Variants in ENPP3 observed in about 807,000 individuals in gnomAD.
ENPP3 encodes the protein ectonucleotide pyrophosphatase/phosphodiesterase family member 3.
ENPP3 carries 104 observed loss-of-function variants against 117.8 expected under a neutral mutation model. The observed-to-expected ratio is 0.88, with a 90% CI of 0.75 to 1.04. The LOEUF is 1.04. ENPP3 is among the 50% of genes least tolerant of loss of function. ENPP3 has a pLI of 0.00. For missense variants in ENPP3, 1,026 were observed against 1,051.9 expected (o/e 0.98, Z 0.34); for synonymous variants, 380 against 349.9 (o/e 1.09, Z -0.96).
intron 2 of ENPP3, among the ~76,000 whole-genome samples, chr6:131,647,876 T>C (rs57893994): frequency 6.6e-6 from 1 of 152,154 alleles, no homozygotes; most frequent in Non-Finnish European, 1.5e-5. Flanking sequence ...ATAGCTATCA[T>C]GTTTCCCTCC....
At chr6:131,706,689 G>T (rs1417902264) in intron 15 of ENPP3, among the ~76,000 whole-genome samples, 2 of 147,206 alleles carry the variant, frequency 1.4e-5, no homozygotes, top group African/African-American at 5.3e-5. Flanking sequence ...TGCATCAACT[G>T]ATATAATCTA....
intron 14 of ENPP3, among the ~76,000 whole-genome samples, chr6:131,687,590 T>G (rs905075100): frequency 2.0e-5 from 3 of 152,062 alleles, no homozygotes; most frequent in African/African-American, 7.2e-5. Context: ...GGAGGAGATA[T>G]TCACAAACTA....
At chr6:131,643,359 C>T (rs1214369415) in intron 2 of ENPP3, among the ~76,000 whole-genome samples, 1 of 152,150 alleles carries the variant, frequency 6.6e-6, no homozygotes, top group African/African-American at 2.4e-5. Flanking sequence ...CTGAACAAAA[C>T]CTCCTTTTGT....
At chr6:131,640,552 A>G (rs1778020430) in intron 1 of ENPP3, among the ~76,000 whole-genome samples, 1 of 152,244 alleles carries the variant, frequency 6.6e-6, no homozygotes, top group South Asian at 2.1e-4. Context: ...AATCCTCAAA[A>G]AAATAATTTA....
intron 15 of ENPP3, among the ~76,000 whole-genome samples, chr6:131,713,099 C>T (rs897325609): frequency 1.5e-5 from 2 of 131,118 alleles, no homozygotes; most frequent in Non-Finnish European, 3.0e-5. Context: ...GTGAATAAGT[C>T]TCATGAGATC....
intron 6 of ENPP3, among the ~76,000 whole-genome samples, chr6:131,662,963 GAATA>G (rs1301894040): frequency 6.6e-6 from 1 of 152,058 alleles, no homozygotes; most frequent in Admixed American, 6.5e-5. Flanking sequence ...AAATGAGATT[GAATA>G]GTTAATTATT....
At position 131,677,879 on chromosome 6, in the gene ENPP3, A is replaced by G. The variant is rs1291659053; in HGVS notation, c.950A>G (p.Tyr317Cys). Reference protein sequence around the residue: ...DLPKAERPRFYTMYFEEPDSS... With the variant: ...DLPKAERPRFCTMYFEEPDSS... ...AATTTTACCCCTAGACCCAGGTTTTATACCATGTATTTTGAAGAACCTGAT... is the reference window on the plus strand; with the variant it reads ...AATTTTACCCCTAGACCCAGGTTTTGTACCATGTATTTTGAAGAACCTGAT... Residue 317 changes from tyrosine to cysteine, a missense_variant, in exon 11 of 25, where the codon TAT (tyrosine) becomes TGT (cysteine). Physicochemically the swap from Tyr to Cys is radical, Grantham distance 194. Coordinates refer to ENST00000357639, the MANE Select transcript of ENPP3 (RefSeq NM_005021.5). 1.2e-6 allele frequency: 2 copies of G among 1,605,324 alleles called. No homozygotes were observed. The highest frequency in any genetic ancestry group is 1.7e-6 in the Non-Finnish European group (2 of 1,172,254).
intron 16 of ENPP3, 118 bp from the exon 17 acceptor site, chr6:131,720,174 T>C: frequency 1.7e-6 from 1 of 580,300 alleles, no homozygotes; most frequent in Non-Finnish European, 3.0e-6. Context: ...AAAAAATTCC[T>C]TACAGAGGCC....
chr6:131,676,498 A>G (rs1414497502), intron 9 of ENPP3, among the ~76,000 whole-genome samples: 1 of 152,190 alleles, frequency 6.6e-6, no homozygotes, highest in African/African-American at 2.4e-5. Flanking sequence ...TTTAGTTAGG[A>G]GAAACTGAAA....
chr6:131,701,000 G>C, intron 15 of ENPP3: 2 of 559,456 alleles, frequency 3.6e-6, no homozygotes. Flanking sequence ...TCCAGGTCAT[G>C]ATGGCCAAAT....
intron 15 of ENPP3, among the ~76,000 whole-genome samples, chr6:131,711,784 GT>G (rs1227075885): frequency 1.9e-5 from 2 of 107,668 alleles, no homozygotes; most frequent in Admixed American, 1.1e-4. Context: ...CTTTTTTATA[GT>G]TTTTTTGGTT....
chr6:131,674,338 G>A, intron 8 of ENPP3, 57 bp downstream of exon 8: 1 of 1,557,600 alleles, frequency 6.4e-7, no homozygotes, highest in Non-Finnish European at 8.9e-7. Context: ...AGTGTGACAG[G>A]AGGACACTCT....
At chr6:131,717,352 GTGTGTGT>G (rs1430701238) in intron 15 of ENPP3, among the ~76,000 whole-genome samples, 1,739 of 13,518 alleles carry the variant, frequency 0.13, 52 homozygotes, top group African/African-American at 0.24. Context: ...CCTGCGGGGG[GTGTGTGT>G]GTGTGTGTGT....
Position 131,720,353 on chromosome 6 carries a change from A to C in ENPP3, c.1541A>C (p.Asn514Thr), listed in dbSNP as rs1367617970. The stretch of plus-strand genomic sequence containing the variant: ...AAGACTGAAGTTGAACCATTTGAAA[A>C]TATTGAAGTCTATAACCTAATGTGT... The part of the protein sequence containing the change: ...KEKTEVEPFE[N>T]IEVYNLMCDL... Residue 514 changes from asparagine to threonine, a missense_variant, in exon 17 of 25, where the codon AAT becomes ACT. Asn to Thr is a moderately conservative substitution (Grantham distance 65). Transcript: ENST00000357639. 6.3e-7 allele frequency: 1 copy of C among 1,594,138 alleles called. No homozygotes were observed.
intron 14 of ENPP3, among the ~76,000 whole-genome samples, chr6:131,690,663 G>A (rs563365835): frequency 5.3e-5 from 8 of 152,222 alleles, no homozygotes; most frequent in African/African-American, 1.9e-4. Flanking sequence ...GCAAAGGACT[G>A]ACGATAAACG....
intron 15 of ENPP3, among the ~76,000 whole-genome samples, chr6:131,698,220 T>C (rs1779452607): frequency 6.6e-6 from 1 of 151,474 alleles, no homozygotes; most frequent in Admixed American, 6.6e-5. Flanking sequence ...AAGGGAACGT[T>C]TTTCTAGGAC....
intron 15 of ENPP3, among the ~76,000 whole-genome samples, chr6:131,695,972 A>G (rs931318431): frequency 6.6e-6 from 1 of 151,160 alleles, no homozygotes; most frequent in Non-Finnish European, 1.5e-5. Context: ...TCCAACTCTT[A>G]AAACACAAGC....
In ENPP3 at chr6:131,683,108, C is replaced by G; in HGVS notation, c.1066C>G (p.Leu356Val). 1 of 1,613,126 alleles carries G rather than the reference C, an allele frequency of 6.2e-7. No individual in the cohort carries two copies. The highest frequency in any genetic ancestry group is 1.7e-5 in the Admixed American group (1 of 59,994). Residue 356 changes from leucine (L) to valine (V), a missense_variant, in exon 12 of 25, where the codon CTG becomes GTG. By Grantham distance (32) the Leu-to-Val change is conservative. Transcript: ENST00000357639. ...TGCTTTTGGGATGTTGATGGAAGGC[C>G]TGAAGCAGCGGAATTTGCACAACTG... Reference protein sequence around the residue: ...DHAFGMLMEGLKQRNLHNCVN... With the variant: ...DHAFGMLMEGVKQRNLHNCVN...
In ENPP3 at chr6:131,716,005, T is replaced by C. The variant is rs116306982; in HGVS notation, c.1413-2667T>C. Among the ~76,000 whole-genome samples the C allele has an allele frequency of 6.0e-3, 886 of 146,810 alleles. 7 individuals carry two copies. The highest frequency in any genetic ancestry group is 0.023 in the African/African-American group (848 of 37,026). ...CTTGGCGATCTGCTTATGTGTAGAA[T>C]GGAGATACCGCACAGGAAGACAGAC... On this transcript the variant is annotated intron_variant, in intron 15 of 24. Transcript: ENST00000357639.
Sources: gnomAD v4.1 joint callset for allele counts (sites outside exome capture counted in the v4.1 genomes callset) on GRCh38, gnomAD v4.1.1 for gene constraint, MANE v1.5 for transcripts, NCBI Gene and HGNC (gene_info 2026-07-23, HGNC 2026-07-21) for gene names.